Variants in CEP20 observed in about 807,000 individuals in gnomAD.
CEP20 encodes the protein centrosomal protein 20, also known as FGFR1OP N-terminal like.
In CEP20, 18 loss-of-function variants were observed where a neutral mutation model predicts 20.0. The ratio of observed to expected loss-of-function variants is 0.90; its 90% CI spans 0.62 to 1.34. The LOEUF (loss-of-function observed/expected upper bound fraction) is 1.34, where lower values mean the gene tolerates loss of function less well. Ranked by LOEUF, CEP20 falls within the 40% of genes most tolerant of loss-of-function variation. The pLI, the probability that CEP20 is intolerant of heterozygous loss-of-function variation, is 0.00. For synonymous variants in CEP20, 77 were observed against 73.7 expected (o/e 1.04, Z -0.23); for missense variants, 215 against 201.6 (o/e 1.07, Z -0.40).
At chr16:15,873,423 A>G (rs909923510) in intron 4 of CEP20, 68 bp downstream of exon 4, 8 of 1,556,278 alleles carry the variant, frequency 5.1e-6, no homozygotes, top group South Asian at 2.5e-5. Context: ...AAAGACTCCA[A>G]AAGAAAAATA....
chr16:15,872,460 C>T (rs1406371176), intron 4 of CEP20, among the ~76,000 whole-genome samples: 1 of 152,144 alleles, frequency 6.6e-6, no homozygotes, highest in African/African-American at 2.4e-5. Flanking sequence ...CTGTAACCCC[C>T]ACACTCTGAG....
chr16:15,869,613 G>A (rs1596986367), intron 4 of CEP20, among the ~76,000 whole-genome samples: 1 of 152,082 alleles, frequency 6.6e-6, no homozygotes, highest in Admixed American at 6.5e-5. Flanking sequence ...GGCCTGGCCT[G>A]AACTTATTTT....
intron 1 of CEP20, 94 bp downstream of exon 1, chr16:15,888,464 C>A (rs2045299128): frequency 6.5e-7 from 1 of 1,537,948 alleles, no homozygotes; most frequent in South Asian, 1.1e-5. Context: ...TAAAAGCCAA[C>A]CCATGTGTTC....
intron 1 of CEP20, among the ~76,000 whole-genome samples, chr16:15,887,775 G>A (rs968997893): frequency 6.6e-6 from 1 of 152,080 alleles, no homozygotes; most frequent in East Asian, 1.9e-4. Context: ...AGAATGGCCA[G>A]GCCAGCAAAC....
intron 3 of CEP20, among the ~76,000 whole-genome samples, chr16:15,877,956 A>T (rs563602004): frequency 3.3e-5 from 5 of 152,190 alleles, no homozygotes; most frequent in African/African-American, 1.2e-4. Flanking sequence ...GCTACTCAGG[A>T]GGCTGAGGCA....
At chr16:15,882,795 A>ACG (rs2045137992) in intron 2 of CEP20, among the ~76,000 whole-genome samples, 1 of 151,212 alleles carries the variant, frequency 6.6e-6, no homozygotes, top group Non-Finnish European at 1.5e-5. Context: ...ACACACACAC[A>ACG]CACACACAAA....
intron 3 of CEP20, among the ~76,000 whole-genome samples, chr16:15,878,306 A>T (rs997230701): frequency 6.6e-6 from 1 of 152,184 alleles, no homozygotes; most frequent in African/African-American, 2.4e-5. Context: ...AGGTGTGAGC[A>T]GATAGAACAA....
At chr16:15,883,884 T>C (rs2045172747) in intron 2 of CEP20, 124 bp downstream of exon 2, 1 of 720,976 alleles carries the variant, frequency 1.4e-6, no homozygotes, top group African/African-American at 1.8e-5. Flanking sequence ...CCCATGTGAT[T>C]TTTGTGTCCC....
chr16:15,867,384 A>G lies in CEP20; in HGVS notation c.*56T>C, dbSNP rs916801856. On this transcript the variant is annotated 3_prime_UTR_variant, in exon 5 of 5. Transcript: ENST00000255759. ...CATTTTGGTAACATTGGGACAATAA[A>G]TAAGTTATTTAATTAATAATACAAT... 6 of 1,364,978 alleles carry G rather than the reference A, an allele frequency of 4.4e-6. No homozygotes were observed. Among genetic ancestry groups the G allele is most frequent in the African/African-American group, 1.5e-5 (1 of 68,056 alleles). The allele number at this position is 1,364,978 out of a possible 1,614,324, so 84.6% of individuals were successfully genotyped here.
intron 3 of CEP20, 48 bp from the exon 4 acceptor site, chr16:15,873,675 A>G (rs747077310): frequency 6.4e-7 from 1 of 1,561,964 alleles, no homozygotes; most frequent in Non-Finnish European, 8.7e-7. Flanking sequence ...ATAAATCTGC[A>G]TAAACGGGAA....
chr16:15,873,357 C>G (rs1387945261), intron 4 of CEP20, 134 bp downstream of exon 4: 12 of 1,067,740 alleles, frequency 1.1e-5, no homozygotes, highest in Non-Finnish European at 1.5e-5. Context: ...CTTGGAGTAA[C>G]ATAGGCTAGA....
intron 1 of CEP20, among the ~76,000 whole-genome samples, chr16:15,887,383 A>C (rs7204463): frequency 0.18 from 26,947 of 152,096 alleles, 2,315 homozygotes; most frequent in East Asian, 0.22. Context: ...TCCCTAAAAT[A>C]TCTAAGAATT....
Position 15,884,024 on chromosome 16 carries a change from T to C in CEP20, c.210A>G (p.Ala70=), listed in dbSNP as rs1324264911. The part of the protein sequence containing the change: ...YLEFNKYKYT[A]SVLIAESGQP... ...ACCACTTACCTGCTATGAGGACAGA[T>C]GCTGTATACTTATATTTGTTGAATT... Residue 70 remains alanine, a synonymous_variant, in exon 2 of 5, where the codon GCA becomes GCG. Transcript: ENST00000255759. 3.1e-6 allele frequency: 5 copies of C among 1,612,348 alleles called. No homozygotes were observed. Among genetic ancestry groups the C allele is most frequent in the South Asian group, 1.1e-5 (1 of 91,030 alleles).
intron 4 of CEP20, among the ~76,000 whole-genome samples, chr16:15,870,271 T>C (rs1271359025): frequency 1.3e-5 from 2 of 152,248 alleles, no homozygotes; most frequent in Non-Finnish European, 2.9e-5. Context: ...TTTATGGGAC[T>C]GATAGTATCA....
At chr16:15,875,032 G>A (rs145227657) in intron 3 of CEP20, among the ~76,000 whole-genome samples, 70 of 152,264 alleles carry the variant, frequency 4.6e-4, no homozygotes, top group African/African-American at 1.5e-3. Flanking sequence ...CTGGCATCTT[G>A]ACTCCAACCT....
intron 1 of CEP20, among the ~76,000 whole-genome samples, chr16:15,886,665 C>T (rs1467761099): frequency 6.6e-6 from 1 of 152,148 alleles, no homozygotes; most frequent in African/African-American, 2.4e-5. Context: ...TGAGCTCTAC[C>T]TCTCAGAGAT....
chr16:15,882,045 G>A (rs535278084), intron 2 of CEP20, among the ~76,000 whole-genome samples: 61 of 152,210 alleles, frequency 4.0e-4, no homozygotes, highest in African/African-American at 1.4e-3. Flanking sequence ...TCATGGCCTG[G>A]TGCTGTCCTT....
chr16:15,888,590 C>T lies in CEP20; in HGVS notation c.-5G>A. 1 of 1,614,094 alleles carries T rather than the reference C, an allele frequency of 6.2e-7. No individual in the cohort carries two copies. Among genetic ancestry groups the T allele is most frequent in the Non-Finnish European group, 8.5e-7 (1 of 1,179,996 alleles). On this transcript the variant is annotated 5_prime_UTR_variant, in exon 1 of 5. Transcript: ENST00000255759. ...CAACTCTGCCACAGTCGCCATTTTT[C>T]AACGGCCGCCAGGGCCGCACCGCGG...
chr16:15,882,784 T>TACACACACACACACACACACACAC (rs71388769), intron 2 of CEP20, among the ~76,000 whole-genome samples: 2 of 149,754 alleles, frequency 1.3e-5, no homozygotes, highest in African/African-American at 4.9e-5. Flanking sequence ...TCTATCTAGA[T>TACACACACACACACACACACACAC]ACACACACAC....
Sources: gnomAD v4.1 joint callset for allele counts (sites outside exome capture counted in the v4.1 genomes callset) on GRCh38, gnomAD v4.1.1 for gene constraint, MANE v1.5 for transcripts, NCBI Gene and HGNC (gene_info 2026-07-23, HGNC 2026-07-21) for gene names.